Variants in UBE2E2 observed in about 807,000 individuals in gnomAD.
The protein encoded by UBE2E2 is ubiquitin-conjugating enzyme E2 E2.
A neutral mutation model predicts 24.7 loss-of-function variants in UBE2E2; 6 were observed. The observed-to-expected ratio is 0.24, with a 90% CI of 0.13 to 0.48. The LOEUF is 0.48. UBE2E2 is among the 20% of genes least tolerant of loss of function. UBE2E2 has a pLI of 0.99. For missense variants in UBE2E2, 169 were observed against 245.0 expected, an observed-to-expected ratio of 0.69 and a Z score of 2.07; for synonymous variants, 104 against 83.6, an observed-to-expected ratio of 1.24 and a Z score of -1.33.
intron 5 of UBE2E2, among the ~76,000 whole-genome samples, chr3:23,535,430 GA>G (rs1411206034): frequency 6.6e-6 from 1 of 151,974 alleles, no homozygotes; most frequent in Non-Finnish European, 1.5e-5. Flanking sequence ...TTTTACAATC[GA>G]AAAAAGCTGA....
At chr3:23,555,518 C>G (rs1431843217) in intron 5 of UBE2E2, among the ~76,000 whole-genome samples, 2 of 152,108 alleles carry the variant, frequency 1.3e-5, no homozygotes, top group African/African-American at 4.8e-5. Flanking sequence ...TGGATATATA[C>G]CCAAAGGAAA....
chr3:23,304,294 A>C (rs1233827105), intron 3 of UBE2E2, among the ~76,000 whole-genome samples: 1 of 152,152 alleles, frequency 6.6e-6, no homozygotes, highest in Non-Finnish European at 1.5e-5. Context: ...GATGTCAAAA[A>C]CCACTGTTTT....
At chr3:23,312,000 A>T (rs1223333887) in intron 3 of UBE2E2, among the ~76,000 whole-genome samples, 2 of 152,158 alleles carry the variant, frequency 1.3e-5, no homozygotes, top group Non-Finnish European at 2.9e-5. Context: ...GTTTCTCATG[A>T]ATGGTTTAAT....
chr3:23,398,385 A>G (rs921034692), intron 3 of UBE2E2, among the ~76,000 whole-genome samples: 1 of 151,074 alleles, frequency 6.6e-6, no homozygotes, highest in Non-Finnish European at 1.5e-5. Context: ...AGTAATCACT[A>G]TGTTTTGGAA....
intron 4 of UBE2E2, among the ~76,000 whole-genome samples, chr3:23,518,796 C>G (rs562423919): frequency 1.3e-5 from 2 of 152,172 alleles, no homozygotes; most frequent in African/African-American, 4.8e-5. Context: ...CCATCTCCCC[C>G]TCCCTTATTT....
intron 4 of UBE2E2, among the ~76,000 whole-genome samples, chr3:23,530,413 T>C (rs1393835103): frequency 6.6e-6 from 1 of 152,258 alleles, no homozygotes; most frequent in Non-Finnish European, 1.5e-5. Context: ...TACTTTTGGC[T>C]ATATTGTTAG....
intron 5 of UBE2E2, among the ~76,000 whole-genome samples, chr3:23,548,574 G>A (rs935238357): frequency 1.3e-5 from 2 of 152,118 alleles, no homozygotes; most frequent in African/African-American, 4.8e-5. Flanking sequence ...TGTATTCTTG[G>A]TTGTTCCTTC....
intron 3 of UBE2E2, among the ~76,000 whole-genome samples, chr3:23,265,701 A>G (rs1698029039): frequency 6.6e-6 from 1 of 152,256 alleles, no homozygotes; most frequent in African/African-American, 2.4e-5. Flanking sequence ...GGTGGGCAGT[A>G]CATTTGAAAC....
chr3:23,225,604 A>C (rs1381905932), intron 3 of UBE2E2, among the ~76,000 whole-genome samples: 1 of 152,240 alleles, frequency 6.6e-6, no homozygotes, highest in Non-Finnish European at 1.5e-5. Flanking sequence ...TCAGTGGATC[A>C]TAAATGTGAA....
At chr3:23,576,912 G>A (rs893038713) in intron 5 of UBE2E2, among the ~76,000 whole-genome samples, 1 of 143,588 alleles carries the variant, frequency 7.0e-6, no homozygotes, top group African/African-American at 2.7e-5. Flanking sequence ...CACATATACT[G>A]TTGTTATTGT....
chr3:23,328,781 C>T (rs1470892345), intron 3 of UBE2E2, among the ~76,000 whole-genome samples: 14 of 152,012 alleles, frequency 9.2e-5, no homozygotes, highest in Non-Finnish European at 1.5e-4. Context: ...CCTGCCTCAG[C>T]CTCCTGAGTA....
intron 3 of UBE2E2, among the ~76,000 whole-genome samples, chr3:23,265,443 A>G (rs1698022245): frequency 6.6e-6 from 1 of 152,196 alleles, no homozygotes; most frequent in African/African-American, 2.4e-5. Flanking sequence ...GGGACCAGCA[A>G]GCAGCTGTTC....
intron 4 of UBE2E2, among the ~76,000 whole-genome samples, chr3:23,506,242 A>C (rs1244638830): frequency 6.6e-6 from 1 of 152,212 alleles, no homozygotes; most frequent in Non-Finnish European, 1.5e-5. Context: ...CCATGGGTCA[A>C]GTTCTTTCTT....
intron 3 of UBE2E2, among the ~76,000 whole-genome samples, chr3:23,246,787 C>T (rs1005696557): frequency 6.6e-6 from 1 of 152,164 alleles, no homozygotes; most frequent in African/African-American, 2.4e-5. Context: ...TGTGTGTCTT[C>T]CCCAAGAATT....
At chr3:23,551,620 A>C (rs1475481041) in intron 5 of UBE2E2, among the ~76,000 whole-genome samples, 5 of 152,202 alleles carry the variant, frequency 3.3e-5, no homozygotes. Flanking sequence ...ATCTTTGAGA[A>C]GGTGTGGTTA....
In UBE2E2 at chr3:23,318,119, G is replaced by GT. The variant is rs1033136215; in HGVS notation, c.227+100814dup. On this transcript the variant is annotated intron_variant, in intron 3 of 5. Transcript: ENST00000396703. ...CCAAGCTTCTCTAGTGTGTTTAATG[G>GT]TTTTTTTAAAAAGGTATTTATTTAT... 1.8e-4 allele frequency among the ~76,000 whole-genome samples: 27 copies of GT among 151,858 alleles called. 2 individuals carry two copies. The highest frequency in any genetic ancestry group is 5.1e-4 in the African/African-American group (21 of 41,436).
At chr3:23,300,398 G>A (rs929082001) in intron 3 of UBE2E2, among the ~76,000 whole-genome samples, 4 of 152,086 alleles carry the variant, frequency 2.6e-5, no homozygotes, top group Non-Finnish European at 5.9e-5. Context: ...TTACAATTTG[G>A]CATGTTTTTG....
chr3:23,499,536 A>G, intron 3 of UBE2E2, 72 bp from the exon 4 acceptor site: 1 of 1,544,318 alleles, frequency 6.5e-7, no homozygotes, highest in East Asian at 2.3e-5. Context: ...ATTGGTTATC[A>G]TAAATAGATT....
At chr3:23,569,698 A>G (rs1696178695) in intron 5 of UBE2E2, among the ~76,000 whole-genome samples, 1 of 152,180 alleles carries the variant, frequency 6.6e-6, no homozygotes, top group Non-Finnish European at 1.5e-5. Context: ...ATTGCAACCC[A>G]ATAGCTTCTC....
Sources: gnomAD v4.1 joint callset for allele counts (sites outside exome capture counted in the v4.1 genomes callset) on GRCh38, gnomAD v4.1.1 for gene constraint, MANE v1.5 for transcripts, NCBI Gene and HGNC (gene_info 2026-07-23, HGNC 2026-07-21) for gene names.